Variants in GJC2 observed in about 807,000 individuals in gnomAD.
GJC2 encodes gap junction gamma-2 protein.
For synonymous variants in GJC2, 336 were observed against 307.5 expected (o/e 1.09, Z -0.97); for missense variants, 647 against 648.9 (o/e 1.00, Z 0.03).
Position 228,157,740 on chromosome 1 carries a change from G to GGGGGGGGGGGGGCCC in GJC2, c.-19_-18insGGGGGGGGGGGGCCC. The stretch of plus-strand genomic sequence containing the variant: ...GGCTGACCCCTACCCCGCCCCACAG[G>GGGGGGGGGGGGGCCC]ACCCGCCCGCCCGCCCCTATGACCA... On this transcript the variant is annotated splice_region_variant and 5_prime_UTR_variant, in exon 2 of 2. Transcript: ENST00000366714. 1 of 662,262 alleles carries GGGGGGGGGGGGGCCC rather than the reference G, an allele frequency of 1.5e-6. No homozygotes were observed. The highest frequency in any genetic ancestry group is 2.6e-6 in the Non-Finnish European group (1 of 378,506). 41.0% of individuals were successfully genotyped at this position (662,262 alleles called of 1,614,324 possible).
In GJC2 at chr1:228,158,108, G is replaced by GC. The variant is rs2034710811; in HGVS notation, c.353dup (p.Pro120AlafsTer18). 7.4e-7 allele frequency: 1 copy of GC among 1,356,254 alleles called. No individual in the cohort carries two copies. Among genetic ancestry groups the GC allele is most frequent in the Non-Finnish European group, 9.5e-7 (1 of 1,047,240 alleles). The allele number at this position is 1,356,254 out of a possible 1,614,324, so 84.0% of individuals were successfully genotyped here. A position where few individuals can be genotyped will look rare whatever the true frequency, so the allele number is the denominator to read the frequency against. ...GAGCGGCGCCGCGCCCTCCGCCGCC[G>GC]CCCGGGGCCACGCCGCGCGCCCCGA... On this transcript the variant is annotated frameshift_variant, in exon 2 of 2. Transcript: ENST00000366714. LOFTEE classifies it low-confidence loss of function (END_TRUNC). The surrounding 1 kb of genome is among the most constrained non-coding windows in gnomAD (Gnocchi z 8.3).
chr1:228,158,200 C>A lies in GJC2; in HGVS notation c.442C>A (p.Leu148Met), dbSNP rs1389215352. ...PADLGEEEPM[L>M]GLGEEEEEEE... is the part of the protein sequence containing the mutation. ...CGACCTGGGCGAGGAGGAGCCCATG[C>A]TGGGCCTGGGCGAGGAGGAGGAGGA... The change falls in exon 2 of 2, where the codon CTG (leucine) becomes ATG (methionine). Residue 148 changes from leucine to methionine, a missense_variant. Physicochemically the swap from Leu to Met is conservative, Grantham distance 15. Transcript: ENST00000366714. The surrounding 1 kb of genome is among the most constrained non-coding windows in gnomAD (Gnocchi z 8.3). 6.8e-7 allele frequency: 1 copy of A among 1,474,974 alleles called. No individual in the cohort carries two copies. The highest frequency in any genetic ancestry group is 9.0e-7 in the Non-Finnish European group (1 of 1,116,908). The allele number at this position is 1,474,974 out of a possible 1,614,324, so 91.4% of individuals were successfully genotyped here.
chr1:228,159,356 C>A lies in GJC2; in HGVS notation c.*278C>A. 2 of 495,588 alleles carry A rather than the reference C, an allele frequency of 4.0e-6. No individual in the cohort carries two copies. The highest frequency in any genetic ancestry group is 7.4e-6 in the Non-Finnish European group (2 of 268,916). 30.7% of individuals were successfully genotyped at this position (495,588 alleles called of 1,614,324 possible). A position where few individuals can be genotyped will look rare whatever the true frequency, so the allele number is the denominator to read the frequency against. On this transcript the variant is annotated 3_prime_UTR_variant, in exon 2 of 2. Transcript: ENST00000366714. The surrounding 1 kb of genome is among the most constrained non-coding windows in gnomAD (Gnocchi z 4.0). ...CAGGGGGAGTGGGGCATTGACTCCA[C>A]CCCTGTCCTGAGCTGGAATAGGTCC... is the stretch of plus-strand genomic sequence containing the variant.
intron 1 of GJC2, among the ~76,000 whole-genome samples, chr1:228,153,581 CTTTT>C (rs149136887): frequency 3.2e-5 from 3 of 93,144 alleles, no homozygotes; most frequent in East Asian, 2.9e-4. Flanking sequence ...TTTCTCTTTT[CTTTT>C]TTTTTTTTTT....
chr1:228,153,178 G>A (rs539769669), intron 1 of GJC2, among the ~76,000 whole-genome samples: 4 of 152,108 alleles, frequency 2.6e-5, no homozygotes, highest in African/African-American at 4.8e-5. Context: ...AGCTTGTCCC[G>A]CCTCTCTATC....
chr1:228,157,401 T>C (rs1327224293), intron 1 of GJC2, among the ~76,000 whole-genome samples: 1 of 152,080 alleles, frequency 6.6e-6, no homozygotes, highest in African/African-American at 2.4e-5. Context: ...GCTGAAACTC[T>C]GTGGGACCCT....
Position 228,157,736 on chromosome 1 carries a change from A to ACCGGGGGGGGGGGGGGGGGGGGGGG in GJC2, c.-19-3_-19-2insCGGGGGGGGGGGGGGGGGGGGGGGC. The ACCGGGGGGGGGGGGGGGGGGGGGGG allele has an allele frequency of 1.5e-6, 1 of 677,008 alleles. No homozygotes were observed. The highest frequency in any genetic ancestry group is 2.7e-6 in the Non-Finnish European group (1 of 369,354). 41.9% of individuals were successfully genotyped at this position (677,008 alleles called of 1,614,324 possible). On this transcript the variant is annotated splice_region_variant and splice_polypyrimidine_tract_variant and intron_variant, in intron 1 of 1. Coordinates refer to ENST00000366714, the MANE Select transcript of GJC2 (RefSeq NM_020435.4). The stretch of plus-strand genomic sequence containing the variant: ...CCCTGGCTGACCCCTACCCCGCCCC[A>ACCGGGGGGGGGGGGGGGGGGGGGGG]CAGGACCCGCCCGCCCGCCCCTATG...
At chr1:228,155,414 T>C (rs1335791215) in intron 1 of GJC2, among the ~76,000 whole-genome samples, 3 of 152,170 alleles carry the variant, frequency 2.0e-5, no homozygotes, top group African/African-American at 7.2e-5. Context: ...CTCCCCAGGC[T>C]TGCAGGCAAG....
rs1191850253 is a variant in GJC2, at chr1:228,159,120, G to A, written c.*42G>A. 3 of 1,601,964 alleles carry A rather than the reference G, an allele frequency of 1.9e-6. No homozygotes were observed. Among genetic ancestry groups the A allele is most frequent in the Non-Finnish European group, 1.7e-6 (2 of 1,173,208 alleles). ...GCTGGGCCAGGGAGGAGGAGGGTTG[G>A]GGGGCTCCGGTGGAAACCTGCGACC... is the stretch of plus-strand genomic sequence containing the variant. On this transcript the variant is annotated 3_prime_UTR_variant, in exon 2 of 2. Transcript: ENST00000366714. This position sits in a 1 kb window ranked among gnomAD's most constrained non-coding sequence, Gnocchi z 4.0.
In GJC2 at chr1:228,150,310, C is replaced by A. The variant is rs569881503; in HGVS notation, c.-20+303C>A. Among the ~76,000 whole-genome samples, 1 of 152,114 alleles carries A rather than the reference C, an allele frequency of 6.6e-6. No homozygotes were observed. Among genetic ancestry groups the A allele is most frequent in the Non-Finnish European group, 1.5e-5 (1 of 67,990 alleles). ...ACAGCTGGCAAGCGGGAGGGGGGTG[C>A]CTTCAGTACCTCCCCCAGCAGCTGG... is the stretch of plus-strand genomic sequence containing the variant. On this transcript the variant is annotated intron_variant, in intron 1 of 1. Transcript: ENST00000366714. This position sits in a 1 kb window ranked among gnomAD's most constrained non-coding sequence, Gnocchi z 4.6.
At position 228,159,106 on chromosome 1, in the gene GJC2, G is replaced by C. The variant is rs200784670; in HGVS notation, c.*28G>C. On this transcript the variant is annotated 3_prime_UTR_variant, in exon 2 of 2. Transcript: ENST00000366714. The surrounding 1 kb of genome is among the most constrained non-coding windows in gnomAD (Gnocchi z 4.0). ...GCGCTGGCTTGCGAGCTGGGCCAGGGAGGAGGAGGGTTGGGGGGCTCCGGT... is the reference window on the plus strand; with the variant it reads ...GCGCTGGCTTGCGAGCTGGGCCAGGCAGGAGGAGGGTTGGGGGGCTCCGGT... 78 of 1,608,612 alleles carry C rather than the reference G, an allele frequency of 4.8e-5. No homozygotes were observed. In the Middle Eastern group the frequency reaches 2.0e-3, roughly 42 times the overall value.
In GJC2 at chr1:228,159,420, C is replaced by T; in HGVS notation, c.*342C>T. The T allele has an allele frequency of 6.7e-6, 2 of 297,000 alleles. No homozygotes were observed. The highest frequency in any genetic ancestry group is 1.3e-5 in the Non-Finnish European group (2 of 149,264). The allele number at this position is 297,000 out of a possible 1,614,324, so 18.4% of individuals were successfully genotyped here. A position where few individuals can be genotyped will look rare whatever the true frequency, so the allele number is the denominator to read the frequency against. On this transcript the variant is annotated 3_prime_UTR_variant, in exon 2 of 2. Transcript: ENST00000366714. This position sits in a 1 kb window ranked among gnomAD's most constrained non-coding sequence, Gnocchi z 4.0. ...CTCTCCCCTTTGTGCTTCCCTGCAG[C>T]AACCCATGGAGGGCCCAGGGTGCCT...
At position 228,154,583 on chromosome 1, in the gene GJC2, T is replaced by C. The variant is rs2034658357; in HGVS notation, c.-19-3157T>C. On this transcript the variant is annotated intron_variant, in intron 1 of 1. Coordinates refer to ENST00000366714, the MANE Select transcript of GJC2 (RefSeq NM_020435.4). The stretch of plus-strand genomic sequence containing the variant: ...AGCCCACAGGTAGGGATGGGGGTCA[T>C]GCTCCCCTCCAGTACAGAGTGTCCA... Among the ~76,000 whole-genome samples the C allele has an allele frequency of 2.6e-5, 4 of 152,266 alleles. No homozygotes were observed. The South Asian group carries it at 8.3e-4, about 32-fold the overall frequency.
At position 228,157,905 on chromosome 1, in the gene GJC2, C is replaced by T. The variant is rs139992251; in HGVS notation, c.147C>T (p.Asp49=). The change falls in exon 2 of 2, where the codon GAC becomes GAT. Residue 49 remains aspartate (D), a synonymous_variant. Coordinates refer to ENST00000366714, the MANE Select transcript of GJC2 (RefSeq NM_020435.4). The part of the protein sequence containing the change: ...TAVGGEAIYS[D]EQAKFTCNTR... ...TGGGCGGCGAGGCCATCTACTCGGA[C>T]GAGCAGGCCAAGTTCACTTGCAACA... 7.4e-4 allele frequency: 1,198 copies of T among 1,612,666 alleles called. 12 individuals carry two copies. The East Asian group carries it at 0.012, about 16-fold the overall frequency.
chr1:228,155,538 G>A (rs568468898), intron 1 of GJC2, among the ~76,000 whole-genome samples: 1 of 152,292 alleles, frequency 6.6e-6, no homozygotes, highest in Admixed American at 6.5e-5. Context: ...CAGTGGCTGT[G>A]CTTGCTGGGC....
At chr1:228,156,360 C>T (rs1409519829) in intron 1 of GJC2, among the ~76,000 whole-genome samples, 1 of 152,190 alleles carries the variant, frequency 6.6e-6, no homozygotes, top group East Asian at 1.9e-4. Context: ...TCTGAGCATG[C>T]ACGTGTACAT....
In GJC2 at chr1:228,158,813, A is replaced by T. The variant is rs768190679; in HGVS notation, c.1055A>T (p.Asn352Ile). 1 of 1,453,240 alleles carries T rather than the reference A, an allele frequency of 6.9e-7. No homozygotes were observed. Among genetic ancestry groups the T allele is most frequent in the East Asian group, 3.2e-5 (1 of 31,698 alleles). The allele number at this position is 1,453,240 out of a possible 1,614,324, so 90.0% of individuals were successfully genotyped here. The change falls in exon 2 of 2, where the codon AAC becomes ATC. Residue 352 changes from asparagine to isoleucine, a missense_variant. By Grantham distance (149) the Asn-to-Ile change is moderately radical. Transcript: ENST00000366714. The surrounding 1 kb of genome is among the most constrained non-coding windows in gnomAD (Gnocchi z 8.3). ...RARAHDQNLA[N>I]LALQALRDGA... ...CGGGCGCATGACCAGAACCTGGCAA[A>T]CCTGGCCCTGCAGGCGCTGCGCGAC...
At position 228,156,940 on chromosome 1, in the gene GJC2, A is replaced by C. The variant is rs552609048; in HGVS notation, c.-19-800A>C. Among the ~76,000 whole-genome samples, 143 of 152,322 alleles carry C rather than the reference A, an allele frequency of 9.4e-4. 1 individual carries two copies. The highest frequency in any genetic ancestry group is 3.2e-3 in the African/African-American group (134 of 41,574). On this transcript the variant is annotated intron_variant, in intron 1 of 1. Coordinates refer to ENST00000366714, the MANE Select transcript of GJC2 (RefSeq NM_020435.4). ...CACTGGGTCTATAACCTCGCTGGAC[A>C]CCGTCCCTCCTGGACGGACGACTGG... is the stretch of plus-strand genomic sequence containing the variant.
At position 228,158,120 on chromosome 1, in the gene GJC2, G is replaced by A; in HGVS notation, c.362G>A (p.Arg121His). Reference sequence around the variant, plus strand: ...GCCCTCCGCCGCCGCCCGGGGCCACGCCGCGCGCCCCGAGCGCACCTGCCG... The same window carrying A: ...GCCCTCCGCCGCCGCCCGGGGCCACACCGCGCGCCCCGAGCGCACCTGCCG... Reference protein sequence around the residue: ...RRALRRRPGPRRAPRAHLPPP... With the variant: ...RRALRRRPGPHRAPRAHLPPP... Residue 121 changes from arginine (R) to histidine (H), a missense_variant, in exon 2 of 2, where the codon CGC becomes CAC. By Grantham distance (29) the Arg-to-His change is conservative (BLOSUM62 0). Coordinates refer to ENST00000366714, the MANE Select transcript of GJC2 (RefSeq NM_020435.4). The surrounding 1 kb of genome is among the most constrained non-coding windows in gnomAD (Gnocchi z 8.3). The A allele has an allele frequency of 6.4e-6, 8 of 1,255,110 alleles. No homozygotes were observed. Among genetic ancestry groups the A allele is most frequent in the Non-Finnish European group, 6.0e-6 (6 of 998,144 alleles). The allele number at this position is 1,255,110 out of a possible 1,614,324, so 77.7% of individuals were successfully genotyped here. A position where few individuals can be genotyped will look rare whatever the true frequency, so the allele number is the denominator to read the frequency against.
Sources: gnomAD v4.1 joint callset for allele counts (sites outside exome capture counted in the v4.1 genomes callset) on GRCh38, gnomAD v4.1.1 for gene constraint, Gnocchi (gnomAD v3.1) non-coding constraint, MANE v1.5 for transcripts, NCBI Gene and HGNC (gene_info 2026-07-23, HGNC 2026-07-21) for gene names.